KCMF1: variants seen among roughly 807,000 people sequenced by gnomAD.
The protein encoded by KCMF1 is potassium channel modulatory factor 1.
A neutral mutation model predicts 41.1 loss-of-function variants in KCMF1; 3 were observed. That is an observed-to-expected ratio of 0.07 (90% CI 0.03 to 0.19). KCMF1 has a LOEUF of 0.19. Among genes scored for constraint, KCMF1 ranks in the 10% least tolerant of loss-of-function variants. KCMF1 has a pLI of 1.00. For synonymous variants in KCMF1, 142 were observed against 164.5 expected (o/e 0.86, Z 1.04); for missense variants, 286 against 488.9 (o/e 0.58, Z 3.91).
chr2:84,992,481 C>T (rs1035485919), intron 1 of KCMF1, among the ~76,000 whole-genome samples: 1 of 152,086 alleles, frequency 6.6e-6, no homozygotes. Flanking sequence ...GTCTCAAACT[C>T]CTGACCTCAG....
chr2:85,001,385 C>T lies in KCMF1; in HGVS notation c.17-26504C>T, dbSNP rs550800121. ...TGTTGGCCAGGCTGGTCTCGAACTC[C>T]TGACCTCAAGTGAGCTGCCTGCCCT... On this transcript the variant is annotated intron_variant, in intron 1 of 6. Transcript: ENST00000409785. Among the ~76,000 whole-genome samples the T allele has an allele frequency of 1.2e-4, 18 of 152,192 alleles. No homozygotes were observed. In the South Asian group the frequency reaches 1.7e-3, roughly 14 times the overall value.
intron 1 of KCMF1, among the ~76,000 whole-genome samples, chr2:85,017,785 G>T (rs1371439892): frequency 6.6e-6 from 1 of 151,874 alleles, no homozygotes; most frequent in Non-Finnish European, 1.5e-5. Context: ...AAAGTAAAAG[G>T]TATACCAACC....
intron 1 of KCMF1, among the ~76,000 whole-genome samples, chr2:85,007,828 G>A (rs571544980): frequency 2.6e-5 from 4 of 152,206 alleles, no homozygotes; most frequent in South Asian, 2.1e-4. Context: ...GTGCAATGGC[G>A]TGATCTCACT....
chr2:85,043,517 CTTA>C (rs1472548675), intron 3 of KCMF1, 44 bp from the exon 4 acceptor site: 1 of 1,074,692 alleles, frequency 9.3e-7, no homozygotes, highest in South Asian at 1.3e-5. Flanking sequence ...AGAAAGATGT[CTTA>C]TTGACGTTCA....
chr2:85,007,059 C>G (rs1020575311), intron 1 of KCMF1, among the ~76,000 whole-genome samples: 1 of 149,604 alleles, frequency 6.7e-6, no homozygotes. Flanking sequence ...CGAGATCGCA[C>G]CACTGCACTC....
intron 1 of KCMF1, among the ~76,000 whole-genome samples, chr2:84,999,775 G>GA (rs1431114072): frequency 6.6e-6 from 1 of 152,100 alleles, no homozygotes; most frequent in Non-Finnish European, 1.5e-5. Flanking sequence ...TTTCCACATG[G>GA]AAAAATAAAA....
At chr2:85,019,627 C>T (rs1286540494) in intron 1 of KCMF1, among the ~76,000 whole-genome samples, 1 of 152,050 alleles carries the variant, frequency 6.6e-6, no homozygotes, top group Non-Finnish European at 1.5e-5. Flanking sequence ...CACCAAAAAA[C>T]CCTCTGTAGC....
intron 1 of KCMF1, among the ~76,000 whole-genome samples, chr2:85,008,291 T>TATATATCATATAATATGATATATATATC (rs1553379311): frequency 6.8e-5 from 1 of 14,624 alleles, no homozygotes; most frequent in Non-Finnish European, 1.7e-4. Context: ...TGATATATAA[T>TATATATCATATAATATGATATATATATC]ATATATAATA....
At chr2:85,001,530 A>T (rs1439812905) in intron 1 of KCMF1, among the ~76,000 whole-genome samples, 1 of 152,134 alleles carries the variant, frequency 6.6e-6, no homozygotes, top group Non-Finnish European at 1.5e-5. Context: ...AGGTTTAGAA[A>T]ATCCTGTTGG....
intron 1 of KCMF1, among the ~76,000 whole-genome samples, chr2:84,984,227 A>G (rs1445543247): frequency 6.6e-6 from 1 of 151,924 alleles, no homozygotes; most frequent in Non-Finnish European, 1.5e-5. Context: ...AAATAATAGA[A>G]GTTTCTTTGA....
intron 1 of KCMF1, among the ~76,000 whole-genome samples, chr2:85,012,075 T>C (rs1164622976): frequency 6.6e-6 from 1 of 152,150 alleles, no homozygotes; most frequent in Non-Finnish European, 1.5e-5. Flanking sequence ...GTTCTTGAAA[T>C]GTAGAGGAAG....
At chr2:84,991,626 A>G (rs1001526241) in intron 1 of KCMF1, among the ~76,000 whole-genome samples, 1 of 152,204 alleles carries the variant, frequency 6.6e-6, no homozygotes, top group Admixed American at 6.5e-5. Context: ...TGGAGATCAC[A>G]CTGTGGGAAA....
At chr2:85,014,967 C>G (rs1054885654) in intron 1 of KCMF1, among the ~76,000 whole-genome samples, 1 of 151,868 alleles carries the variant, frequency 6.6e-6, no homozygotes, top group African/African-American at 2.4e-5. Flanking sequence ...TTTGGTACAG[C>G]ATTTTTATCT....
chr2:84,985,469 A>G (rs574411753), intron 1 of KCMF1, among the ~76,000 whole-genome samples: 119 of 152,228 alleles, frequency 7.8e-4, no homozygotes, highest in African/African-American at 2.8e-3. Context: ...CTATTACTCT[A>G]TTTAACTGAT....
chr2:85,008,383 ATATATG>A (rs1674561201), intron 1 of KCMF1, among the ~76,000 whole-genome samples: 6 of 124,876 alleles, frequency 4.8e-5, no homozygotes, highest in African/African-American at 1.9e-4. Flanking sequence ...ATGATATATT[ATATATG>A]ATATATATTA....
chr2:85,007,102 A>C (rs1221056904), intron 1 of KCMF1, among the ~76,000 whole-genome samples: 2 of 116,012 alleles, frequency 1.7e-5, no homozygotes, highest in African/African-American at 3.5e-5. Flanking sequence ...ACTCAGTCTC[A>C]AAAAAAAAAA....
chr2:85,004,734 T>C (rs187840179), intron 1 of KCMF1, among the ~76,000 whole-genome samples: 229 of 152,274 alleles, frequency 1.5e-3, no homozygotes, highest in Non-Finnish European at 2.5e-3. Flanking sequence ...TTACCGGTCA[T>C]GCCTCAGTCT....
intron 3 of KCMF1, among the ~76,000 whole-genome samples, chr2:85,037,677 CT>C (rs1295943419): frequency 6.6e-6 from 1 of 152,182 alleles, no homozygotes; most frequent in Admixed American, 6.5e-5. Flanking sequence ...TATATATCTC[CT>C]TTTCTATTCC....
At chr2:84,994,459 A>G (rs1352814432) in intron 1 of KCMF1, among the ~76,000 whole-genome samples, 1 of 151,932 alleles carries the variant, frequency 6.6e-6, no homozygotes, top group Non-Finnish European at 1.5e-5. Context: ...GCTGGAGTGC[A>G]ATGGCGTGAT....
Sources: allele counts gnomAD v4.1 joint callset (sites outside exome capture counted in the v4.1 genomes callset), GRCh38; gene constraint gnomAD v4.1.1; transcripts MANE v1.5; gene names NCBI Gene and HGNC (gene_info 2026-07-23, HGNC 2026-07-21).